Variants in FAM222A observed in about 807,000 individuals in gnomAD.
The protein encoded by FAM222A is protein FAM222A.
In FAM222A, 7 loss-of-function variants were observed where a neutral mutation model predicts 25.8. That is an observed-to-expected ratio of 0.27 (90% CI 0.15 to 0.51). FAM222A has a LOEUF of 0.51. Among genes scored for constraint, FAM222A ranks in the 20% least tolerant of loss-of-function variants. The pLI is 0.97. For missense variants in FAM222A, 573 were observed against 640.5 expected (o/e 0.89, Z 1.14); for synonymous variants, 294 against 298.8 (o/e 0.98, Z 0.17).
At chr12:109,738,017 G>C (rs1018389925) in intron 1 of FAM222A, among the ~76,000 whole-genome samples, 1 of 152,108 alleles carries the variant, frequency 6.6e-6, no homozygotes, top group Non-Finnish European at 1.5e-5. Flanking sequence ...GAGAAAGAGA[G>C]AGAGACAGCA....
At chr12:109,735,143 TC>T (rs1267015998) in intron 1 of FAM222A, among the ~76,000 whole-genome samples, 3 of 152,288 alleles carry the variant, frequency 2.0e-5, no homozygotes, top group East Asian at 3.9e-4. Flanking sequence ...TCCACTCTCC[TC>T]CCCCGACCTG....
At chr12:109,760,167 T>C (rs529431353) in intron 2 of FAM222A, among the ~76,000 whole-genome samples, 54 of 152,204 alleles carry the variant, frequency 3.5e-4, no homozygotes, top group African/African-American at 1.2e-3. Flanking sequence ...CCCTGCCTCA[T>C]GGACAGCACC....
intron 1 of FAM222A, among the ~76,000 whole-genome samples, chr12:109,718,502 G>A (rs971169561): frequency 1.3e-5 from 2 of 152,170 alleles, no homozygotes; most frequent in African/African-American, 2.4e-5. Flanking sequence ...GGCTCGGGGC[G>A]GGGGTGAGAA....
rs1056172 is a variant in FAM222A, at chr12:109,770,449, A to G, written c.*1161A>G. 6.6e-6 allele frequency: 1 copy of G among 152,562 alleles called. No homozygotes were observed. The highest frequency in any genetic ancestry group is 2.4e-5 in the African/African-American group (1 of 41,450). The allele number at this position is 152,562 out of a possible 1,614,324, so 9.5% of individuals were successfully genotyped here. A position where few individuals can be genotyped will look rare whatever the true frequency, so the allele number is the denominator to read the frequency against. On this transcript the variant is annotated 3_prime_UTR_variant, in exon 3 of 3. Transcript: ENST00000538780. ...TTCTACTGTGAGAAGTGCAGTCTGC[A>G]CTATATTGTTTTAAAAACGAAGAGA...
intron 1 of FAM222A, among the ~76,000 whole-genome samples, chr12:109,741,479 G>T (rs990476017): frequency 2.0e-5 from 3 of 152,198 alleles, no homozygotes; most frequent in Admixed American, 1.3e-4. Flanking sequence ...CTAGAGCCCT[G>T]CTGGGAAGGG....
In FAM222A at chr12:109,743,964, T is replaced by G; in HGVS notation, c.-46-137T>G. 9 of 1,409,032 alleles carry G rather than the reference T, an allele frequency of 6.4e-6. No individual in the cohort carries two copies. The South Asian group carries it at 1.4e-4, about 22-fold the overall frequency. The allele number at this position is 1,409,032 out of a possible 1,614,324, so 87.3% of individuals were successfully genotyped here. On this transcript the variant is annotated intron_variant, in intron 1 of 2. Transcript: ENST00000538780. ...CCTCAGGCCTTGGTCCCCTCATTGG[T>G]CGAATAAGGGAAATGGGTGTCTGCT...
intron 1 of FAM222A, among the ~76,000 whole-genome samples, chr12:109,716,547 AAC>A (rs1887649211): frequency 6.6e-6 from 1 of 152,200 alleles, no homozygotes; most frequent in African/African-American, 2.4e-5. Context: ...GGTGTCGTTA[AAC>A]ACACAAGCTT....
At chr12:109,730,315 C>T (rs1408333333) in intron 1 of FAM222A, among the ~76,000 whole-genome samples, 3 of 151,998 alleles carry the variant, frequency 2.0e-5, no homozygotes, top group Non-Finnish European at 4.4e-5. Flanking sequence ...AGTTTCCCCC[C>T]CTGCTAAAAT....
At chr12:109,748,380 A>G (rs573189096) in intron 2 of FAM222A, among the ~76,000 whole-genome samples, 3 of 87,468 alleles carry the variant, frequency 3.4e-5, no homozygotes, top group Admixed American at 1.4e-4. Flanking sequence ...GGGTTTTGCT[A>G]TGTTACACTG....
At position 109,714,593 on chromosome 12, in the gene FAM222A, G is replaced by T. The variant is rs1234053475; in HGVS notation, c.-351G>T. The T allele has an allele frequency of 6.6e-6, 1 of 151,788 alleles. No homozygotes were observed. The highest frequency in any genetic ancestry group is 1.5e-5 in the Non-Finnish European group (1 of 67,890). 9.4% of individuals were successfully genotyped at this position (151,788 alleles called of 1,614,324 possible). A position where few individuals can be genotyped will look rare whatever the true frequency, so the allele number is the denominator to read the frequency against. Reference sequence around the variant, plus strand: ...GGGCCCCGAGGGGAGGCGCAGCGCCGCCCGCCGGACGTGGCGATCACGGGC... The same window carrying T: ...GGGCCCCGAGGGGAGGCGCAGCGCCTCCCGCCGGACGTGGCGATCACGGGC... On this transcript the variant is annotated 5_prime_UTR_variant, in exon 1 of 3. Coordinates refer to ENST00000538780, the MANE Select transcript of FAM222A (RefSeq NM_032829.3). This position sits in a 1 kb window ranked among gnomAD's most constrained non-coding sequence, Gnocchi z 4.2.
intron 1 of FAM222A, among the ~76,000 whole-genome samples, chr12:109,724,470 G>C (rs546086390): frequency 1.1e-4 from 17 of 152,326 alleles, no homozygotes; most frequent in African/African-American, 4.1e-4. Context: ...TCTTGCCCTG[G>C]TGCCCAGCCT....
intron 1 of FAM222A, among the ~76,000 whole-genome samples, chr12:109,737,595 A>G (rs1399147268): frequency 2.0e-5 from 3 of 151,948 alleles, no homozygotes; most frequent in Non-Finnish European, 4.4e-5. Flanking sequence ...TAAAAAAAAA[A>G]AAAAAAGGTA....
chr12:109,725,586 C>T (rs552502416), intron 1 of FAM222A, among the ~76,000 whole-genome samples: 6 of 152,068 alleles, frequency 3.9e-5, no homozygotes, highest in Admixed American at 6.5e-5. Flanking sequence ...GAAAGTGGGA[C>T]GCAGGAAACA....
intron 1 of FAM222A, among the ~76,000 whole-genome samples, chr12:109,717,994 C>T (rs1193506512): frequency 2.6e-5 from 4 of 152,298 alleles, no homozygotes; most frequent in Non-Finnish European, 5.9e-5. Flanking sequence ...CTCAGCCCGC[C>T]GCTTGCAGGC....
chr12:109,745,479 G>A (rs970670581), intron 2 of FAM222A, among the ~76,000 whole-genome samples: 5 of 152,214 alleles, frequency 3.3e-5, no homozygotes. Context: ...GAAATACCGG[G>A]TCAAACGGAT....
intron 1 of FAM222A, among the ~76,000 whole-genome samples, chr12:109,718,836 T>C (rs1190990558): frequency 6.6e-6 from 1 of 152,256 alleles, no homozygotes; most frequent in Non-Finnish European, 1.5e-5. Flanking sequence ...TATTTTAGTC[T>C]GCACGGGCTG....
chr12:109,747,838 T>C (rs1192929139), intron 2 of FAM222A, among the ~76,000 whole-genome samples: 1 of 152,258 alleles, frequency 6.6e-6, no homozygotes, highest in African/African-American at 2.4e-5. Flanking sequence ...TTTCCAGTTA[T>C]ACTATCATAT....
At chr12:109,752,684 C>T (rs970688093) in intron 2 of FAM222A, among the ~76,000 whole-genome samples, 1 of 152,232 alleles carries the variant, frequency 6.6e-6, no homozygotes, top group African/African-American at 2.4e-5. Context: ...AGCCACCCAG[C>T]TCTGGCCCTC....
intron 1 of FAM222A, among the ~76,000 whole-genome samples, chr12:109,730,161 G>C (rs981310843): frequency 6.6e-6 from 1 of 152,164 alleles, no homozygotes; most frequent in African/African-American, 2.4e-5. Flanking sequence ...TACCCTACAG[G>C]CTGGCTCTCC....
Sources: gnomAD v4.1 joint callset for allele counts (sites outside exome capture counted in the v4.1 genomes callset) on GRCh38, gnomAD v4.1.1 for gene constraint, Gnocchi (gnomAD v3.1) non-coding constraint, MANE v1.5 for transcripts, NCBI Gene and HGNC (gene_info 2026-07-23, HGNC 2026-07-21) for gene names.